Variants in DLG2 observed in about 807,000 individuals in gnomAD.
DLG2 encodes discs large MAGUK scaffold protein 2, also known as disks large homolog 2.
In DLG2, 45 loss-of-function variants were observed where a neutral mutation model predicts 132.5. The observed-to-expected ratio is 0.34, with a 90% CI of 0.27 to 0.44. The LOEUF (loss-of-function observed/expected upper bound fraction) is 0.44. Ranked by LOEUF, DLG2 falls within the 20% of genes least tolerant of loss-of-function variation. DLG2 has a pLI of 1.00. For missense variants in DLG2, 1,045 were observed against 1,196.9 expected, an observed-to-expected ratio of 0.87 and a Z score of 1.87; for synonymous variants, 424 against 419.6, an observed-to-expected ratio of 1.01 and a Z score of -0.13.
intron 6 of DLG2, among the ~76,000 whole-genome samples, chr11:84,734,505 T>A (rs1328595171): frequency 6.6e-6 from 1 of 152,202 alleles, no homozygotes; most frequent in Non-Finnish European, 1.5e-5. Flanking sequence ...GAGACTTTGC[T>A]GAAGTTGCTT....
chr11:84,133,507 T>A (rs1388502037), intron 9 of DLG2, among the ~76,000 whole-genome samples: 1 of 152,062 alleles, frequency 6.6e-6, no homozygotes, highest in Non-Finnish European at 1.5e-5. Flanking sequence ...CCAAACCACA[T>A]ACAAAAAATT....
intron 21 of DLG2, among the ~76,000 whole-genome samples, chr11:83,529,716 G>T (rs2095690955): frequency 6.6e-6 from 1 of 151,984 alleles, no homozygotes. Flanking sequence ...TTTTATTTTG[G>T]TAATAAGGCC....
intron 6 of DLG2, among the ~76,000 whole-genome samples, chr11:84,675,962 T>C (rs1016133227): frequency 1.3e-5 from 2 of 151,898 alleles, no homozygotes; most frequent in Admixed American, 6.6e-5. Context: ...GGCCCTTGAG[T>C]GGGTTTTTTC....
intron 3 of DLG2, among the ~76,000 whole-genome samples, chr11:85,514,440 A>G (rs1363924915): frequency 6.6e-6 from 1 of 152,002 alleles, no homozygotes; most frequent in Non-Finnish European, 1.5e-5. Context: ...TTACTTTTCA[A>G]TACAATTCAA....
chr11:84,005,911 T>C (rs367820760), intron 11 of DLG2, among the ~76,000 whole-genome samples: 1 of 151,656 alleles, frequency 6.6e-6, no homozygotes, highest in East Asian at 1.9e-4. Flanking sequence ...CTATGGACAA[T>C]AGTATGGTGA....
intron 6 of DLG2, among the ~76,000 whole-genome samples, chr11:85,026,748 A>G (rs764933780): frequency 2.8e-4 from 43 of 152,162 alleles, no homozygotes; most frequent in Middle Eastern, 6.8e-3. Flanking sequence ...GAGGCAGAAG[A>G]ATGGCGTGAA....
At chr11:84,701,377 T>C (rs1235472745) in intron 6 of DLG2, among the ~76,000 whole-genome samples, 1 of 151,624 alleles carries the variant, frequency 6.6e-6, no homozygotes, top group Non-Finnish European at 1.5e-5. Flanking sequence ...CATGATAGTG[T>C]AGGTACTTCT....
intron 7 of DLG2, among the ~76,000 whole-genome samples, chr11:84,455,519 T>C (rs943697041): frequency 6.6e-6 from 1 of 151,234 alleles, no homozygotes; most frequent in Non-Finnish European, 1.5e-5. Flanking sequence ...GCAAGCAAAC[T>C]ATTCTAAGAG....
chr11:85,227,802 A>G (rs1335902489), intron 4 of DLG2, among the ~76,000 whole-genome samples: 1 of 151,988 alleles, frequency 6.6e-6, no homozygotes, highest in African/African-American at 2.4e-5. Flanking sequence ...CTCATCTGCT[A>G]CTACTCTGTC....
chr11:83,902,393 A>G (rs2073709519), intron 15 of DLG2, among the ~76,000 whole-genome samples: 1 of 152,238 alleles, frequency 6.6e-6, no homozygotes, highest in Non-Finnish European at 1.5e-5. Context: ...AAAAACTGCT[A>G]CATTAACAAA....
In DLG2 at chr11:84,242,982, G is replaced by T. The variant is rs139194058; in HGVS notation, c.573+8256C>A. On this transcript the variant is annotated intron_variant, in intron 8 of 27. Transcript: ENST00000376104. Reference sequence around the variant, plus strand: ...CAAAAATTGGAAGGATAGTTTTGATGATTAATTAGGTTCTCTCTCTCTCTC... The same window carrying T: ...CAAAAATTGGAAGGATAGTTTTGATTATTAATTAGGTTCTCTCTCTCTCTC... 1.2e-3 allele frequency among the ~76,000 whole-genome samples: 135 copies of T among 109,640 alleles called. 1 individual carries two copies. Among genetic ancestry groups the T allele is most frequent in the Middle Eastern group, 5.2e-3 (1 of 192 alleles). The allele number at this position is 109,640 out of a possible 152,430, so 71.9% of individuals were successfully genotyped here.
chr11:85,610,533 G>A (rs2080919041), intron 2 of DLG2, among the ~76,000 whole-genome samples: 1 of 152,282 alleles, frequency 6.6e-6, no homozygotes, highest in Non-Finnish European at 1.5e-5. Context: ...CTTGCCCCAC[G>A]GGTTTAGGGA....
chr11:84,212,028 T>C (rs571530283), intron 8 of DLG2, among the ~76,000 whole-genome samples: 6 of 152,358 alleles, frequency 3.9e-5, no homozygotes, highest in Middle Eastern at 3.4e-3. Flanking sequence ...CTGGTTTCAT[T>C]ATGAAACATT....
intron 4 of DLG2, among the ~76,000 whole-genome samples, chr11:85,162,973 C>T (rs1319222139): frequency 6.6e-6 from 1 of 152,130 alleles, no homozygotes; most frequent in African/African-American, 2.4e-5. Flanking sequence ...TAGGCACCAT[C>T]TAATAACTGC....
intron 6 of DLG2, among the ~76,000 whole-genome samples, chr11:84,778,978 C>A (rs906797367): frequency 6.6e-6 from 1 of 152,232 alleles, no homozygotes; most frequent in East Asian, 1.9e-4. Context: ...GACTCTTGAA[C>A]CTACGCCAGT....
At chr11:84,903,993 A>G (rs762273172) in intron 6 of DLG2, among the ~76,000 whole-genome samples, 1 of 152,202 alleles carries the variant, frequency 6.6e-6, no homozygotes, top group Non-Finnish European at 1.5e-5. Context: ...AAATGACTAT[A>G]GGCTTATGCA....
intron 6 of DLG2, among the ~76,000 whole-genome samples, chr11:84,630,091 G>C (rs192127693): frequency 2.0e-5 from 3 of 152,234 alleles, no homozygotes; most frequent in African/African-American, 7.2e-5. Context: ...GTCTACCTAA[G>C]AAGGATTTCA....
intron 7 of DLG2, among the ~76,000 whole-genome samples, chr11:84,342,057 T>C (rs1324583305): frequency 6.7e-6 from 1 of 150,134 alleles, no homozygotes; most frequent in Non-Finnish European, 1.5e-5. Flanking sequence ...GGACTTTTCT[T>C]TTTTTTTTTA....
At chr11:83,552,569 GC>G (rs938329427) in intron 19 of DLG2, among the ~76,000 whole-genome samples, 4 of 152,104 alleles carry the variant, frequency 2.6e-5, no homozygotes, top group African/African-American at 4.8e-5. Flanking sequence ...TAGCACATCT[GC>G]CCACCCCTAC....
Sources: gnomAD v4.1 joint callset for allele counts (sites outside exome capture counted in the v4.1 genomes callset) on GRCh38, gnomAD v4.1.1 for gene constraint, MANE v1.5 for transcripts, NCBI Gene and HGNC (gene_info 2026-07-23, HGNC 2026-07-21) for gene names.